ALPK3: variants seen among roughly 807,000 people sequenced by gnomAD.
ALPK3 encodes the protein alpha-protein kinase 3.
Under a neutral mutation model 140.0 loss-of-function variants are expected in ALPK3, and 102 were observed. The observed-to-expected ratio is 0.73, with a 90% confidence interval of 0.62 to 0.86. The LOEUF (loss-of-function observed/expected upper bound fraction) is 0.86. Among genes scored for constraint, ALPK3 ranks in the 40% least tolerant of loss-of-function variants. ALPK3 has a pLI of 0.00. For missense variants in ALPK3, 2,254 were observed against 2,208.2 expected, an observed-to-expected ratio of 1.02 and a Z score of -0.42; for synonymous variants, 938 against 898.5, an observed-to-expected ratio of 1.04 and a Z score of -0.79.
chr15:84,858,656 C>G (rs976859324), intron 6 of ALPK3, 101 bp downstream of exon 6: 26 of 1,430,842 alleles, frequency 1.8e-5, no homozygotes, highest in Non-Finnish European at 2.3e-5. Flanking sequence ...GATAGCATAT[C>G]CCTCCTCGGG....
intron 3 of ALPK3, among the ~76,000 whole-genome samples, chr15:84,834,655 G>A (rs1218545338): frequency 6.6e-6 from 1 of 152,148 alleles, no homozygotes; most frequent in African/African-American, 2.4e-5. Flanking sequence ...GGAATGGTTG[G>A]GACAAGGCTG....
chr15:84,857,251 G>T lies in ALPK3; in HGVS notation c.2513G>T (p.Cys838Phe), dbSNP rs202037221. ...EAKQEDSPFQCPKEERPGGVP... is the reference protein window; with the variant it reads ...EAKQEDSPFQFPKEERPGGVP... ...AAGCAGGAGGACAGCCCGTTCCAGT[G>T]CCCCAAGGAGGAGCGGCCAGGGGGA... Residue 838 changes from cysteine (C) to phenylalanine (F), a missense_variant, in exon 6 of 14, where the codon TGC becomes TTC. Around this residue, in one of 3 missense-constraint regions of ALPK3, gnomAD observed 2,088 missense variants for 2,022.9 expected, o/e 1.03. Transcript: ENST00000258888. The T allele has an allele frequency of 7.2e-5, 116 of 1,613,938 alleles. No homozygotes were observed. The highest frequency in any genetic ancestry group is 9.7e-5 in the Non-Finnish European group (115 of 1,179,966).
intron 3 of ALPK3, among the ~76,000 whole-genome samples, chr15:84,835,402 C>T (rs916606126): frequency 1.3e-5 from 2 of 152,190 alleles, no homozygotes; most frequent in Non-Finnish European, 2.9e-5. Flanking sequence ...TGTCACCCTC[C>T]CCCTCTCATG....
At chr15:84,825,041 A>G (rs1247335243) in intron 2 of ALPK3, among the ~76,000 whole-genome samples, 1 of 152,120 alleles carries the variant, frequency 6.6e-6, no homozygotes, top group Non-Finnish European at 1.5e-5. Flanking sequence ...TCAGCTAGCC[A>G]CCCTTTCAGC....
At chr15:84,864,386 G>A (rs1443536783) in intron 11 of ALPK3, 56 bp from the exon 12 acceptor site, 4 of 1,540,806 alleles carry the variant, frequency 2.6e-6, no homozygotes, top group Middle Eastern at 1.7e-4. Flanking sequence ...TTGGGTGGGA[G>A]GGAGGAGCTC....
chr15:84,846,117 T>C (rs1395164310), intron 5 of ALPK3, among the ~76,000 whole-genome samples: 1 of 152,050 alleles, frequency 6.6e-6, no homozygotes, highest in Non-Finnish European at 1.5e-5. Flanking sequence ...TTGGAAATGC[T>C]TGGAAAATGG....
At chr15:84,854,953 T>C (rs1963843795) in intron 5 of ALPK3, among the ~76,000 whole-genome samples, 2 of 131,308 alleles carry the variant, frequency 1.5e-5, no homozygotes, top group South Asian at 4.3e-4. Flanking sequence ...CAATCATCTT[T>C]TGGTTGACTA....
chr15:84,857,088 A>T lies in ALPK3; in HGVS notation c.2350A>T (p.Arg784Trp). The T allele has an allele frequency of 6.2e-7, 1 of 1,614,236 alleles. No individual in the cohort carries two copies. Among genetic ancestry groups the T allele is most frequent in the Non-Finnish European group, 8.5e-7 (1 of 1,180,038 alleles). ...TGAGGAGGCAGTAGTAACAGCCTCC[A>T]GGAACCATGAGCAAACTGTGCTGGG... ...RSEEAVVTASRNHEQTVLGPL... is the reference protein window; with the variant it reads ...RSEEAVVTASWNHEQTVLGPL... Residue 784 changes from arginine (R) to tryptophan (W), a missense_variant, in exon 6 of 14, where the codon AGG becomes TGG. This residue lies in a region of ALPK3 where 2,088 missense variants were observed against 2,022.9 expected (regional missense o/e 1.03). Coordinates refer to ENST00000258888, the MANE Select transcript of ALPK3 (RefSeq NM_020778.5).
chr15:84,862,559 C>T (rs1266263435), intron 9 of ALPK3, 76 bp from the exon 10 acceptor site: 4 of 1,512,672 alleles, frequency 2.6e-6, no homozygotes, highest in Non-Finnish European at 2.7e-6. Flanking sequence ...CTCTTCTGGC[C>T]TTTTCCTTCC....
chr15:84,858,986 C>T (rs1963904407), intron 6 of ALPK3, among the ~76,000 whole-genome samples: 1 of 152,168 alleles, frequency 6.6e-6, no homozygotes, highest in South Asian at 2.1e-4. Context: ...CTGCTGTCTG[C>T]GTCCTCAGCT....
At chr15:84,822,006 G>A (rs1963430989) in intron 1 of ALPK3, among the ~76,000 whole-genome samples, 1 of 152,164 alleles carries the variant, frequency 6.6e-6, no homozygotes, top group Non-Finnish European at 1.5e-5. Context: ...TGCAGCGGGA[G>A]TGTGAGTAGA....
At chr15:84,823,473 G>A in intron 2 of ALPK3, 105 bp downstream of exon 2, 1 of 1,337,620 alleles carries the variant, frequency 7.5e-7, no homozygotes, top group Non-Finnish European at 1.1e-6. Context: ...TGCATGGGGT[G>A]AGGGGAGAGC....
In ALPK3 at chr15:84,857,962, T is replaced by C; in HGVS notation, c.3224T>C (p.Val1075Ala). Residue 1075 changes from valine to alanine, a missense_variant, in exon 6 of 14, where the codon GTG becomes GCG. Val to Ala is a moderately conservative substitution (Grantham distance 64). Around this residue, in one of 3 missense-constraint regions of ALPK3, gnomAD observed 2,088 missense variants for 2,022.9 expected, o/e 1.03. Transcript: ENST00000258888. The stretch of plus-strand genomic sequence containing the variant: ...AGCTCCCTCACTGTCCCTGCCATTG[T>C]GGTAGACGAGGAGGACCCTGGGCTG... ...GPSSLTVPAI[V>A]VDEEDPGLAS... 3 of 1,608,736 alleles carry C rather than the reference T, an allele frequency of 1.9e-6. No individual in the cohort carries two copies. The highest frequency in any genetic ancestry group is 2.5e-6 in the Non-Finnish European group (3 of 1,177,952).
At position 84,857,164 on chromosome 15, in the gene ALPK3, G is replaced by A. The variant is rs1220203156; in HGVS notation, c.2426G>A (p.Ser809Asn). The A allele has an allele frequency of 4.3e-6, 7 of 1,614,144 alleles. No individual in the cohort carries two copies. Among genetic ancestry groups the A allele is most frequent in the Non-Finnish European group, 5.9e-6 (7 of 1,179,988 alleles). The change falls in exon 6 of 14, where the codon AGT becomes AAT. Residue 809 changes from serine to asparagine, a missense_variant. Transcript: ENST00000258888. ...CCAGCACAGCCGCCCCATGAGGGGA[G>A]TGTGGAGCAGGTGGGAGGAGAGAGA... is the stretch of plus-strand genomic sequence containing the variant. ...MLPAQPPHEG[S>N]VEQVGGERCR...
chr15:84,827,789 C>A (rs1037436422), intron 3 of ALPK3, among the ~76,000 whole-genome samples, 184 bp downstream of exon 3: 2 of 152,176 alleles, frequency 1.3e-5, no homozygotes, highest in African/African-American at 4.8e-5. Flanking sequence ...CTTGCTTCCC[C>A]CATTCTGGAG....
intron 9 of ALPK3, among the ~76,000 whole-genome samples, chr15:84,861,558 T>G (rs927835878): frequency 1.3e-5 from 2 of 152,248 alleles, no homozygotes; most frequent in Non-Finnish European, 2.9e-5. Flanking sequence ...CCTATTGTTA[T>G]CTAGGGGTTT....
Position 84,839,911 on chromosome 15 carries a change from A to G in ALPK3, c.632A>G (p.Asp211Gly). The part of the protein sequence containing the change: ...KHEKAVPGEV[D>G]TLRKLSPDRF... ...GAGAAGGCGGTGCCTGGGGAGGTCG[A>G]CACTCTGCGCAAGCTCAGCCCCGAC... is the stretch of plus-strand genomic sequence containing the variant. Residue 211 changes from aspartate (D) to glycine (G), a missense_variant, in exon 5 of 14, where the codon GAC (aspartate) becomes GGC (glycine). Coordinates refer to ENST00000258888, the MANE Select transcript of ALPK3 (RefSeq NM_020778.5). 2 of 1,613,880 alleles carry G rather than the reference A, an allele frequency of 1.2e-6. No individual in the cohort carries two copies. The highest frequency in any genetic ancestry group is 1.7e-6 in the Non-Finnish European group (2 of 1,179,894).
chr15:84,857,145 C>T lies in ALPK3; in HGVS notation c.2407C>T (p.Gln803Ter), dbSNP rs1555435405. ...PLSGNLMLPA[Q>*]PPHEGSVEQV... The stretch of plus-strand genomic sequence containing the variant: ...GTCAGGGAACCTCATGCTCCCAGCA[C>T]AGCCGCCCCATGAGGGGAGTGTGGA... Residue 803 changes from glutamine (Q) to a stop codon, truncating the protein, a stop_gained, in exon 6 of 14, where the codon CAG (glutamine) becomes TAG (stop). Coordinates refer to ENST00000258888, the MANE Select transcript of ALPK3 (RefSeq NM_020778.5). LOFTEE classifies it high-confidence loss of function. 1.2e-6 allele frequency: 2 copies of T among 1,614,078 alleles called. No individual in the cohort carries two copies. Among genetic ancestry groups the T allele is most frequent in the Non-Finnish European group, 8.5e-7 (1 of 1,179,950 alleles).
At chr15:84,859,414 C>T (rs752170216) in intron 7 of ALPK3, 24 bp downstream of exon 7, 2 of 1,612,852 alleles carry the variant, frequency 1.2e-6, no homozygotes, top group Non-Finnish European at 1.7e-6. Flanking sequence ...ACCACTGCCA[C>T]CTGACCTGGC....
Sources: gnomAD v4.1 joint callset for allele counts (sites outside exome capture counted in the v4.1 genomes callset) on GRCh38, gnomAD v4.1.1 for gene constraint, gnomAD v4.1.1 regional missense constraint, MANE v1.5 for transcripts, NCBI Gene and HGNC (gene_info 2026-07-23, HGNC 2026-07-21) for gene names.